The following SLC7A1 variants were observed in gnomAD, a reference collection of about 807,000 sequenced individuals.
SLC7A1 encodes high affinity cationic amino acid transporter 1.
In SLC7A1, 10 loss-of-function variants were observed where a neutral mutation model predicts 53.9. The ratio of observed to expected loss-of-function variants is 0.19; its 90% confidence interval spans 0.11 to 0.31. The LOEUF is 0.31. Ranked by LOEUF, SLC7A1 falls within the 10% of genes least tolerant of loss-of-function variation. SLC7A1 has a pLI of 1.00. For missense variants in SLC7A1, 525 were observed against 827.2 expected, an observed-to-expected ratio of 0.63 and a Z score of 4.48; for synonymous variants, 342 against 338.7, an observed-to-expected ratio of 1.01 and a Z score of -0.11.
intron 1 of SLC7A1, among the ~76,000 whole-genome samples, chr13:29,584,035 A>G (rs764512891): frequency 1.3e-5 from 2 of 152,234 alleles, no homozygotes; most frequent in Non-Finnish European, 2.9e-5. Flanking sequence ...AAACGTTAAC[A>G]TATATAACAG....
At chr13:29,542,799 T>G (rs1288221180) in intron 2 of SLC7A1, among the ~76,000 whole-genome samples, 1 of 124,290 alleles carries the variant, frequency 8.0e-6, no homozygotes, top group African/African-American at 2.6e-5. Flanking sequence ...TTCAAAATTA[T>G]GCAGCTTAAA....
chr13:29,559,757 T>C (rs368080535), intron 1 of SLC7A1, among the ~76,000 whole-genome samples: 3,045 of 151,708 alleles, frequency 0.02, 61 homozygotes, highest in Middle Eastern at 0.038. Context: ...GCTCTGTCGC[T>C]CAGGCTGGAG....
intron 5 of SLC7A1, 61 bp from the exon 6 acceptor site, chr13:29,524,314 C>T: frequency 1.9e-6 from 3 of 1,603,578 alleles, no homozygotes; most frequent in Non-Finnish European, 2.6e-6. Context: ...GCGTAAGGAG[C>T]TGTGCTCATC....
chr13:29,559,419 T>A (rs1158955457), intron 1 of SLC7A1, among the ~76,000 whole-genome samples: 1 of 216 alleles, frequency 4.6e-3, no homozygotes, highest in South Asian at 0.17. Context: ...TGAGGGGGAG[T>A]GAATGTGAGT....
At chr13:29,525,940 C>T (rs1030604497) in intron 5 of SLC7A1, among the ~76,000 whole-genome samples, 4 of 152,224 alleles carry the variant, frequency 2.6e-5, no homozygotes, top group African/African-American at 7.2e-5. Context: ...GGCCAGAGGC[C>T]CCGCCGGCCA....
rs555062657 is a variant in SLC7A1 at position 29,512,345 on chromosome 13, C to T, written c.*2135G>A. 2.6e-5 allele frequency: 4 copies of T among 152,148 alleles called. No individual in the cohort carries two copies. The highest frequency in any genetic ancestry group is 5.9e-5 in the Non-Finnish European group (4 of 68,052). 9.4% of individuals were successfully genotyped at this position (152,148 alleles called of 1,614,324 possible). A position where few individuals can be genotyped will look rare whatever the true frequency, so the allele number is the denominator to read the frequency against. ...ATGATGAGACTTGGAGCAGGGGAGACGCACCTTCTCAATCTACAAAATGAG... is the reference window on the plus strand; with the variant it reads ...ATGATGAGACTTGGAGCAGGGGAGATGCACCTTCTCAATCTACAAAATGAG... On this transcript the variant is annotated 3_prime_UTR_variant, in exon 13 of 13. Transcript: ENST00000380752.
chr13:29,562,635 A>G (rs1406151081), intron 1 of SLC7A1, among the ~76,000 whole-genome samples: 1 of 152,122 alleles, frequency 6.6e-6, no homozygotes, highest in African/African-American at 2.4e-5. Context: ...CATATGCATT[A>G]CCTCGCACAG....
At chr13:29,581,632 G>T (rs1358121039) in intron 1 of SLC7A1, among the ~76,000 whole-genome samples, 1 of 152,190 alleles carries the variant, frequency 6.6e-6, no homozygotes, top group African/African-American at 2.4e-5. Context: ...TCTGGTTTAA[G>T]GTCTTACGGG....
chr13:29,546,918 G>A (rs1192732175), intron 2 of SLC7A1, among the ~76,000 whole-genome samples: 1 of 152,202 alleles, frequency 6.6e-6, no homozygotes, highest in African/African-American at 2.4e-5. Context: ...CCACAAGGAA[G>A]CAATCGAGTC....
At chr13:29,570,642 C>T (rs1357278268) in intron 1 of SLC7A1, among the ~76,000 whole-genome samples, 3 of 152,150 alleles carry the variant, frequency 2.0e-5, no homozygotes, top group South Asian at 4.2e-4. Flanking sequence ...GCTTGAGCCC[C>T]GGAGTTGGAG....
intron 1 of SLC7A1, among the ~76,000 whole-genome samples, chr13:29,577,451 G>A (rs937167482): frequency 1.3e-5 from 2 of 152,240 alleles, no homozygotes; most frequent in African/African-American, 4.8e-5. Flanking sequence ...TGTAGGAGAA[G>A]TGACACTAAC....
intron 1 of SLC7A1, among the ~76,000 whole-genome samples, chr13:29,571,485 T>C (rs1871186275): frequency 2.0e-5 from 3 of 152,234 alleles, no homozygotes; most frequent in African/African-American, 7.2e-5. Context: ...GAGCTGGCCA[T>C]GGCTGTGGCC....
intron 5 of SLC7A1, among the ~76,000 whole-genome samples, chr13:29,525,942 C>A (rs927777816): frequency 2.0e-5 from 3 of 152,236 alleles, no homozygotes; most frequent in Non-Finnish European, 4.4e-5. Context: ...CCAGAGGCCC[C>A]GCCGGCCACC....
chr13:29,513,173 CTGGAGCTATGGGGGTGGGGA>C lies in SLC7A1; in HGVS notation c.*1287_*1306del, dbSNP rs1023532013. On this transcript the variant is annotated 3_prime_UTR_variant, in exon 13 of 13. Transcript: ENST00000380752. ...CCAGGCAAGACGGGGGTGGCGTGCACTGGAGCTATGGGGGTGGGGAGGATGCTCGGGTCTCTCCCACTTGC... is the reference window on the plus strand; with the variant it reads ...CCAGGCAAGACGGGGGTGGCGTGCACGGATGCTCGGGTCTCTCCCACTTGC... The C allele has an allele frequency of 6.6e-5, 10 of 152,454 alleles. No homozygotes were observed. The highest frequency in any genetic ancestry group is 2.4e-4 in the African/African-American group (10 of 41,444). The allele number at this position is 152,454 out of a possible 1,614,324, so 9.4% of individuals were successfully genotyped here.
intron 3 of SLC7A1, among the ~76,000 whole-genome samples, chr13:29,533,517 C>T (rs376645667): frequency 1.3e-5 from 2 of 152,186 alleles, no homozygotes; most frequent in South Asian, 4.1e-4. Flanking sequence ...CTAGGAAGTC[C>T]TTGAAGGGGC....
intron 1 of SLC7A1, among the ~76,000 whole-genome samples, chr13:29,564,785 C>T (rs1170318758): frequency 6.6e-6 from 1 of 152,218 alleles, no homozygotes; most frequent in Non-Finnish European, 1.5e-5. Context: ...AATACTGCTA[C>T]ATTCACAGAA....
chr13:29,520,924 C>T (rs1204954776), intron 8 of SLC7A1, among the ~76,000 whole-genome samples: 1 of 152,194 alleles, frequency 6.6e-6, no homozygotes, highest in African/African-American at 2.4e-5. Context: ...TTACCACTCC[C>T]ACCAAATGAA....
intron 8 of SLC7A1, 45 bp from the exon 9 acceptor site, chr13:29,519,594 G>T: frequency 8.0e-7 from 1 of 1,252,642 alleles, no homozygotes; most frequent in Non-Finnish European, 1.2e-6. Flanking sequence ...CCATCTGCAT[G>T]CAATGACAAC....
At position 29,532,817 on chromosome 13, in the gene SLC7A1, G is replaced by A. The variant is rs1376339076; in HGVS notation, c.529+7C>T. On this transcript the variant is annotated splice_region_variant and intron_variant, in intron 4 of 12. Coordinates refer to ENST00000380752, the MANE Select transcript of SLC7A1 (RefSeq NM_003045.5). The stretch of plus-strand genomic sequence containing the variant: ...TGACCCGATCTCTTTTTAAGTGTGG[G>A]CTTTACCTGTCAAGATGAGAATTAT... 1 of 1,609,788 alleles carries A rather than the reference G, an allele frequency of 6.2e-7. No homozygotes were observed. Among genetic ancestry groups the A allele is most frequent in the African/African-American group, 1.3e-5 (1 of 74,834 alleles).
Sources: gnomAD v4.1 joint callset for allele counts (sites outside exome capture counted in the v4.1 genomes callset) on GRCh38, gnomAD v4.1.1 for gene constraint, MANE v1.5 for transcripts, NCBI Gene and HGNC (gene_info 2026-07-23, HGNC 2026-07-21) for gene names.